The following STAG2 variants were observed in gnomAD, a reference collection of about 807,000 sequenced individuals.
STAG2 encodes cohesin subunit SA-2.
In STAG2, 14 loss-of-function variants were observed where a neutral mutation model predicts 108.1. That is an observed-to-expected ratio of 0.13 (90% CI 0.09 to 0.20). The LOEUF (loss-of-function observed/expected upper bound fraction) is 0.20. Among genes scored for constraint, STAG2 ranks in the 10% least tolerant of loss-of-function variants. The pLI is 1.00. For synonymous variants in STAG2, 307 were observed against 302.7 expected (o/e 1.01, Z -0.15); for missense variants, 440 against 940.9 (o/e 0.47, Z 6.96).
intron 34 of STAG2, among the ~76,000 whole-genome samples, chrX:124,099,374 C>A (rs1174736670): frequency 2.7e-5 from 3 of 111,139 alleles, no homozygotes; most frequent in African/African-American, 9.8e-5. Flanking sequence ...TAAACATTAT[C>A]TCGGTCTTTT....
intron 30 of STAG2, among the ~76,000 whole-genome samples, chrX:124,087,447 G>A (rs1326853992): frequency 1.8e-5 from 2 of 111,949 alleles, no homozygotes; most frequent in Non-Finnish European, 3.8e-5. Context: ...GGATCATGGT[G>A]TCTGGTACCT....
At chrX:124,047,732 G>A (rs748412563) in intron 9 of STAG2, among the ~76,000 whole-genome samples, 17 of 111,613 alleles carry the variant, frequency 1.5e-4, no homozygotes, top group Non-Finnish European at 3.0e-4. Context: ...TTAAGTAAGG[G>A]GACTGGGGTT....
At chrX:124,023,697 GAT>G (rs2057003703) in intron 3 of STAG2, among the ~76,000 whole-genome samples, 2 of 111,846 alleles carry the variant, frequency 1.8e-5, no homozygotes, top group South Asian at 7.4e-4. Context: ...ATATTTTAAA[GAT>G]ATAAAGAGAA....
Position 124,020,780 on chromosome X carries a change from G to T in STAG2, c.-162-587G>T, listed in dbSNP as rs552850801. On this transcript the variant is annotated intron_variant, in intron 1 of 34. Transcript: ENST00000371145. Reference sequence around the variant, plus strand: ...GCTGGAGTGCAGTGGCATGATCTCAGCTTGCTTCAGCCTCCCGAGTAGCTG... The same window carrying T: ...GCTGGAGTGCAGTGGCATGATCTCATCTTGCTTCAGCCTCCCGAGTAGCTG... Among the ~76,000 whole-genome samples, 25 of 112,162 alleles carry T rather than the reference G, an allele frequency of 2.2e-4. No individual in the cohort carries two copies. In the South Asian group the frequency reaches 8.8e-3, roughly 40 times the overall value.
intron 5 of STAG2, among the ~76,000 whole-genome samples, 194 bp from the exon 6 acceptor site, chrX:124,037,333 A>G (rs2057549801): frequency 8.9e-6 from 1 of 112,139 alleles, no homozygotes; most frequent in African/African-American, 3.2e-5. Context: ...ATTTTGTGTT[A>G]TCAGATAATT....
intron 1 of STAG2, among the ~76,000 whole-genome samples, chrX:123,980,304 C>T (rs1470003202): frequency 1.8e-5 from 2 of 110,316 alleles, no homozygotes; most frequent in Non-Finnish European, 3.8e-5. Context: ...ATTAAAGAGC[C>T]GGAGGGTCAG....
chrX:123,989,621 T>C (rs1284350691), intron 1 of STAG2, among the ~76,000 whole-genome samples: 3 of 108,301 alleles, frequency 2.8e-5, no homozygotes, highest in African/African-American at 1.0e-4. Context: ...TTTTTTTTTT[T>C]TGAGACAGAA....
chrX:124,079,955 G>C (rs975932883), intron 27 of STAG2, among the ~76,000 whole-genome samples: 1 of 109,226 alleles, frequency 9.2e-6, no homozygotes, highest in Non-Finnish European at 1.9e-5. Flanking sequence ...TGGAGCAGGA[G>C]AGGTTCATTT....
chrX:124,032,179 T>C (rs1386198060), intron 5 of STAG2, among the ~76,000 whole-genome samples: 2 of 112,317 alleles, frequency 1.8e-5, no homozygotes, highest in Non-Finnish European at 3.8e-5. Context: ...ATGGAATTCC[T>C]GGTTGAGTGA....
chrX:123,977,523 C>T (rs776452703), intron 1 of STAG2, among the ~76,000 whole-genome samples: 18 of 110,829 alleles, frequency 1.6e-4, no homozygotes, highest in African/African-American at 5.3e-4. Context: ...TGGCGATTTC[C>T]TTATTTTACT....
intron 1 of STAG2, among the ~76,000 whole-genome samples, chrX:123,992,003 A>G (rs2055506104): frequency 8.9e-6 from 1 of 112,813 alleles, no homozygotes; most frequent in South Asian, 3.6e-4. Flanking sequence ...TATATTTGCT[A>G]TTACAAGTAA....
intron 10 of STAG2, among the ~76,000 whole-genome samples, chrX:124,049,489 G>A (rs1226207383): frequency 8.9e-6 from 1 of 112,249 alleles, no homozygotes; most frequent in Non-Finnish European, 1.9e-5. Context: ...ACAGAGGAAA[G>A]AAATAGTAAT....
intron 30 of STAG2, among the ~76,000 whole-genome samples, chrX:124,087,441 C>T (rs2059133751): frequency 2.7e-5 from 3 of 111,859 alleles, no homozygotes; most frequent in Admixed American, 9.5e-5. Flanking sequence ...TAGCCAGGAT[C>T]ATGGTGTCTG....
intron 1 of STAG2, among the ~76,000 whole-genome samples, chrX:124,001,071 TTTA>T (rs2056012651): frequency 9.0e-6 from 1 of 111,707 alleles, no homozygotes; most frequent in African/African-American, 3.3e-5. Flanking sequence ...TGAAGTTTAA[TTTA>T]TTATTGAAGA....
At chrX:123,978,608 A>G (rs1255980014) in intron 1 of STAG2, among the ~76,000 whole-genome samples, 4 of 111,516 alleles carry the variant, frequency 3.6e-5, no homozygotes, top group Admixed American at 1.9e-4. Flanking sequence ...CCCCAGCTGT[A>G]CAATAGGTGT....
intron 6 of STAG2, 68 bp from the exon 7 acceptor site, chrX:124,042,501 C>A: frequency 1.3e-6 from 1 of 767,867 alleles, no homozygotes; most frequent in Non-Finnish European, 2.0e-6. Flanking sequence ...GTGTTAGAGA[C>A]TTACTTGGAA....
At chrX:123,966,004 A>T (rs1388429041) in intron 1 of STAG2, among the ~76,000 whole-genome samples, 2 of 110,963 alleles carry the variant, frequency 1.8e-5, no homozygotes, top group African/African-American at 6.6e-5. Context: ...TCTCAAAAAA[A>T]AATTAAAAAT....
chrX:123,991,411 G>A (rs2055454436), intron 1 of STAG2, among the ~76,000 whole-genome samples: 1 of 110,126 alleles, frequency 9.1e-6, no homozygotes, highest in Admixed American at 9.6e-5. Context: ...GGAGTGCAAT[G>A]GCATGATCTC....
At chrX:123,990,492 C>T (rs185225397) in intron 1 of STAG2, among the ~76,000 whole-genome samples, 84 of 111,323 alleles carry the variant, frequency 7.5e-4, no homozygotes, top group Non-Finnish European at 1.4e-3. Flanking sequence ...TTCCACCTGC[C>T]TCCAGACCCC....
Sources: allele counts gnomAD v4.1 joint callset (sites outside exome capture counted in the v4.1 genomes callset), GRCh38; gene constraint gnomAD v4.1.1; transcripts MANE v1.5; gene names NCBI Gene and HGNC (gene_info 2026-07-23, HGNC 2026-07-21).